The following PRH1 variants were observed in gnomAD, a reference collection of about 807,000 sequenced individuals.
PRH1 encodes salivary acidic proline-rich phosphoprotein 1/2.
PRH1 carries 7 observed loss-of-function variants against 7.9 expected under a neutral mutation model. That is an observed-to-expected ratio of 0.89 (90% CI 0.50 to 1.67). The LOEUF (loss-of-function observed/expected upper bound fraction) is 1.67, where lower values mean the gene tolerates loss of function less well. Among genes scored for constraint, PRH1 ranks in the 40% most tolerant of loss-of-function variants. The probability of loss-of-function intolerance (pLI) is 0.00; values close to 1 mark genes in which losing one functional copy is unlikely to be tolerated. For synonymous variants in PRH1, 45 were observed against 80.8 expected, an observed-to-expected ratio of 0.56 and a Z score of 2.38; for missense variants, 109 against 223.6, an observed-to-expected ratio of 0.49 and a Z score of 3.27.
chr12:10,912,524 T>G (rs1297894818), intron 2 of PRH1, among the ~76,000 whole-genome samples: 1 of 152,084 alleles, frequency 6.6e-6, no homozygotes, highest in Non-Finnish European at 1.5e-5. Flanking sequence ...TCTATTCAAG[T>G]CTGTCTTGGT....
rs1264633227 is a variant in PRH1 at position 10,975,501 on chromosome 12, T to C, written c.-125-1780A>G. ...TACATAGACCAGTAACACTATAAAG[T>C]AACCACACAACCCAATCTGCATAAT... On this transcript the variant is annotated intron_variant, in intron 1 of 3. Coordinates refer to the PRH1 transcript ENST00000539853. Among the ~76,000 whole-genome samples, 3 of 152,156 alleles carry C rather than the reference T, an allele frequency of 2.0e-5. No individual in the cohort carries two copies. The East Asian group carries it at 5.8e-4, about 29-fold the overall frequency.
chr12:10,956,787 C>A (rs1003650668), intron 2 of PRH1, among the ~76,000 whole-genome samples: 1 of 151,886 alleles, frequency 6.6e-6, no homozygotes, highest in East Asian at 1.9e-4. Flanking sequence ...CAAGCAAAGA[C>A]AAATCAAGAA....
At chr12:10,998,038 C>G (rs1940387362) in intron 1 of PRH1, among the ~76,000 whole-genome samples, 1 of 152,140 alleles carries the variant, frequency 6.6e-6, no homozygotes, top group Admixed American at 6.6e-5. Context: ...AAAGCACCAG[C>G]TTAAACTAAT....
At chr12:10,890,384 GGT>G (rs112808907) in intron 2 of PRH1, among the ~76,000 whole-genome samples, 18 of 150,704 alleles carry the variant, frequency 1.2e-4, no homozygotes, top group African/African-American at 3.9e-4. Context: ...TCCTAACTTT[GGT>G]GTGTGTGTGT....
intron 1 of PRH1, among the ~76,000 whole-genome samples, chr12:11,114,878 A>G (rs1411965316): frequency 6.6e-6 from 1 of 152,158 alleles, no homozygotes; most frequent in Admixed American, 6.6e-5. Flanking sequence ...GGTAATCTCA[A>G]ACCAAAAAGC....
intron 1 of PRH1, among the ~76,000 whole-genome samples, chr12:11,065,303 T>C (rs1018450820): frequency 3.3e-5 from 5 of 152,150 alleles, no homozygotes; most frequent in African/African-American, 1.2e-4. Context: ...AATTTGGTTT[T>C]AGTTATCTTG....
intron 2 of PRH1, chr12:10,929,354 G>C (rs1950168945): frequency 6.2e-7 from 1 of 1,614,014 alleles, no homozygotes; most frequent in South Asian, 1.1e-5. Flanking sequence ...CGAATTGGGG[G>C]AAGATATTGT....
intron 1 of PRH1, among the ~76,000 whole-genome samples, chr12:11,010,401 A>G (rs1941012920): frequency 6.6e-6 from 1 of 151,908 alleles, no homozygotes. Flanking sequence ...CAATGGGAGA[A>G]CACTATTTTA....
chr12:10,988,971 T>C (rs1269405453), intron 1 of PRH1, among the ~76,000 whole-genome samples: 1 of 152,130 alleles, frequency 6.6e-6, no homozygotes, highest in East Asian at 1.9e-4. Flanking sequence ...CACACCCAGC[T>C]AACTTTTTGT....
chr12:10,882,823 C>T, intron 2 of PRH1, 125 bp from the exon 3 acceptor site: 1 of 1,494,282 alleles, frequency 6.7e-7, no homozygotes, highest in Non-Finnish European at 9.0e-7. Flanking sequence ...CCCAACCTCC[C>T]CCCTTCCCAA....
At chr12:10,919,796 T>C (rs1950021002) in intron 2 of PRH1, among the ~76,000 whole-genome samples, 1 of 152,058 alleles carries the variant, frequency 6.6e-6, no homozygotes, top group South Asian at 2.1e-4. Flanking sequence ...TATTACTTAT[T>C]ATATACATTT....
intron 2 of PRH1, among the ~76,000 whole-genome samples, chr12:10,967,069 G>A: frequency 6.7e-6 from 1 of 148,778 alleles, no homozygotes; most frequent in East Asian, 2.0e-4. Flanking sequence ...GAGCGGAGAT[G>A]GCGCCACCGC....
At chr12:11,102,330 G>T (rs1307449288) in intron 1 of PRH1, among the ~76,000 whole-genome samples, 1 of 152,138 alleles carries the variant, frequency 6.6e-6, no homozygotes, top group Non-Finnish European at 1.5e-5. Flanking sequence ...GCATGGTGCT[G>T]GTACCAAAAC....
chr12:11,120,030 T>G (rs1296238809), downstream of PRH1, among the ~76,000 whole-genome samples: 1 of 152,188 alleles, frequency 6.6e-6, no homozygotes, highest in Non-Finnish European at 1.5e-5. Flanking sequence ...TGCTTGAGAA[T>G]TTTGCACATC....
chr12:11,168,208 AGAAAG>A (rs1565724744), intron 1 of PRH1, among the ~76,000 whole-genome samples: 1 of 32,608 alleles, frequency 3.1e-5, no homozygotes, highest in East Asian at 0.083. Context: ...AACGAAAGAA[AGAAAG>A]AAGAAAGAAA....
At chr12:11,063,024 G>A (rs1413947957) in intron 1 of PRH1, among the ~76,000 whole-genome samples, 2 of 152,012 alleles carry the variant, frequency 1.3e-5, no homozygotes, top group African/African-American at 4.8e-5. Context: ...GAGTTTCCAG[G>A]AGGTTGTCTA....
At chr12:11,094,190 T>G (rs1945016856) in intron 1 of PRH1, among the ~76,000 whole-genome samples, 1 of 107,462 alleles carries the variant, frequency 9.3e-6, no homozygotes, top group African/African-American at 3.2e-5. Flanking sequence ...TAGCCCCAGC[T>G]ACTCAGGAGG....
intron 2 of PRH1, chr12:10,938,454 A>G (rs140885325): frequency 6.2e-7 from 1 of 1,614,098 alleles, no homozygotes; most frequent in East Asian, 2.2e-5. Context: ...TCAGAGGTCC[A>G]AACTGATATG....
At chr12:11,002,916 T>A (rs1259020089) in intron 1 of PRH1, among the ~76,000 whole-genome samples, 1 of 152,076 alleles carries the variant, frequency 6.6e-6, no homozygotes. Context: ...TAGCAAAAAT[T>A]GTCCTATACA....
Sources: gnomAD v4.1 joint callset for allele counts (sites outside exome capture counted in the v4.1 genomes callset) on GRCh38, gnomAD v4.1.1 for gene constraint, MANE v1.5 for transcripts, NCBI Gene and HGNC (gene_info 2026-07-23, HGNC 2026-07-21) for gene names.